Variants in GLOD4 observed in about 807,000 individuals in gnomAD.
The protein encoded by GLOD4 is glyoxalase domain-containing protein 4.
GLOD4 carries 44 observed loss-of-function variants against 39.1 expected under a neutral mutation model. That is an observed-to-expected ratio of 1.13 (90% CI 0.88 to 1.45). The LOEUF (loss-of-function observed/expected upper bound fraction) is 1.45, where lower values mean the gene tolerates loss of function less well. GLOD4 is among the 40% of genes most tolerant of loss of function. The pLI, the probability that GLOD4 is intolerant of heterozygous loss-of-function variation, is 0.00. For synonymous variants in GLOD4, 145 were observed against 135.0 expected, an observed-to-expected ratio of 1.07 and a Z score of -0.52; for missense variants, 405 against 366.4, an observed-to-expected ratio of 1.11 and a Z score of -0.86.
intron 1 of GLOD4, 37 bp from the exon 2 acceptor site, chr17:778,781 T>C (rs1448005247): frequency 3.9e-6 from 5 of 1,287,144 alleles, no homozygotes; most frequent in Non-Finnish European, 5.7e-6. Context: ...GAAGTGTTGC[T>C]AGTACTGCTC....
intron 1 of GLOD4, chr17:780,636 G>C (rs1294114882): frequency 6.6e-6 from 1 of 151,590 alleles, no homozygotes; most frequent in Non-Finnish European, 1.5e-5. Flanking sequence ...CCAGCTACTC[G>C]GGAGGCTGAG....
At chr17:770,807 A>G (rs1907829060) in intron 5 of GLOD4, 2 of 275,658 alleles carry the variant, frequency 7.3e-6, no homozygotes, top group Admixed American at 4.7e-5. Context: ...TCTTTTTGCT[A>G]GCGACATAGT....
chr17:771,407 T>G lies in GLOD4; in HGVS notation c.461A>C (p.Tyr154Ser), dbSNP rs1375083906. 1 of 1,577,418 alleles carries G rather than the reference T, an allele frequency of 6.3e-7. No homozygotes were observed. The highest frequency in any genetic ancestry group is 1.1e-5 in the South Asian group (1 of 89,486). Residue 154 changes from tyrosine to serine, a missense_variant, in exon 5 of 9, where the codon TAC becomes TCC. By Grantham distance (144) the Tyr-to-Ser change is moderately radical. Transcript: ENST00000301329. ...TTTCATTCCCAGTAGATTACACCAG[T>G]AGTTCAAGGACTTTTGAAGATCAGA... ...AVSDLQKSLNYWCNLLGMKIY... is the reference protein window; with the variant it reads ...AVSDLQKSLNSWCNLLGMKIY...
In GLOD4 at chr17:775,921, T is replaced by C. The variant is rs1908862310; in HGVS notation, c.262-2A>G. 6.2e-7 allele frequency: 1 copy of C among 1,612,074 alleles called. No individual in the cohort carries two copies. The highest frequency in any genetic ancestry group is 8.5e-7 in the Non-Finnish European group (1 of 1,178,158). Reference sequence around the variant, plus strand: ...CTGGCTAGAAGCGAGCGTGATTCCCTACAACAAACAACAGTACATCCAAGT... The same window carrying C: ...CTGGCTAGAAGCGAGCGTGATTCCCCACAACAAACAACAGTACATCCAAGT... On this transcript the variant is annotated splice_acceptor_variant, in intron 3 of 8. Coordinates refer to ENST00000301329, the MANE Select transcript of GLOD4 (RefSeq NM_016080.4). LOFTEE classifies it high-confidence loss of function.
Position 775,801 on chromosome 17 carries a change from A to C in GLOD4, c.380T>G (p.Leu127Trp). Residue 127 changes from leucine (L) to tryptophan (W), a missense_variant, in exon 4 of 9, where the codon TTG becomes TGG. Leu to Trp is a moderately conservative substitution (Grantham distance 61). Transcript: ENST00000301329. ...TGACTGAGGCAGACTGCGATTCTGC[A>C]AATAGAACTTATATCCTCCCGGGGC... Reference protein sequence around the residue: ...TEAPGGYKFYLQNRSLPQSDP... With the variant: ...TEAPGGYKFYWQNRSLPQSDP... 6.2e-7 allele frequency: 1 copy of C among 1,614,100 alleles called. No individual in the cohort carries two copies. The highest frequency in any genetic ancestry group is 2.2e-5 in the East Asian group (1 of 44,878).
chr17:768,738 C>T (rs1311288953), intron 8 of GLOD4, among the ~76,000 whole-genome samples: 4 of 112,698 alleles, frequency 3.5e-5, no homozygotes, highest in Non-Finnish European at 5.4e-5. Context: ...AGAGAAACAG[C>T]GCGCACTCAG....
At chr17:761,973 G>T (rs1030916955) in intron 8 of GLOD4, among the ~76,000 whole-genome samples, 2 of 152,184 alleles carry the variant, frequency 1.3e-5, no homozygotes, top group African/African-American at 4.8e-5. Flanking sequence ...AAGGTCAGAG[G>T]GTAGAGAATG....
intron 4 of GLOD4, 27 bp downstream of exon 4, chr17:775,748 G>A: frequency 6.2e-7 from 1 of 1,601,426 alleles, no homozygotes; most frequent in Non-Finnish European, 8.6e-7. Flanking sequence ...TTTAGACAGA[G>A]GCTTTTACTG....
intron 8 of GLOD4, among the ~76,000 whole-genome samples, chr17:761,565 C>T (rs1001424294): frequency 1.3e-5 from 2 of 152,174 alleles, no homozygotes; most frequent in African/African-American, 2.4e-5. Context: ...AGTGCAACGG[C>T]GCCATCTCGG....
intron 4 of GLOD4, among the ~76,000 whole-genome samples, chr17:772,994 CAA>C (rs1351462844): frequency 1.6e-4 from 17 of 106,304 alleles, no homozygotes; most frequent in East Asian, 2.7e-4. Flanking sequence ...GACTCTGTCT[CAA>C]AAAAAAAAAA....
intron 3 of GLOD4, among the ~76,000 whole-genome samples, chr17:776,611 C>G (rs1306695240): frequency 1.3e-5 from 2 of 152,222 alleles, no homozygotes; most frequent in African/African-American, 4.8e-5. Flanking sequence ...ACGCTCCCCT[C>G]TCGTTCTCTA....
At chr17:778,101 C>T (rs1909262437) in intron 2 of GLOD4, among the ~76,000 whole-genome samples, 1 of 152,198 alleles carries the variant, frequency 6.6e-6, no homozygotes, top group Admixed American at 6.5e-5. Context: ...CCCTGTGTAT[C>T]TCCTCTGTCC....
At position 782,203 on chromosome 17, in the gene GLOD4, T is replaced by C. The variant is rs775518338; in HGVS notation, c.53A>G (p.Gln18Arg). ...GACGTCCCGATAGAAACGCGCCGTC[T>C]GGAAGCGGTTTCCCACTTTGAATAC... The part of the protein sequence containing the change: ...HFVFKVGNRF[Q>R]TARFYRDVLG... Residue 18 changes from glutamine (Q) to arginine (R), a missense_variant, in exon 1 of 9, where the codon CAG (glutamine) becomes CGG (arginine). Gln to Arg is a conservative substitution (Grantham distance 43). Coordinates refer to ENST00000301329, the MANE Select transcript of GLOD4 (RefSeq NM_016080.4). 2.0e-5 allele frequency: 32 copies of C among 1,613,272 alleles called. No homozygotes were observed. The highest frequency in any genetic ancestry group is 2.7e-5 in the Non-Finnish European group (32 of 1,179,588).
chr17:772,187 G>GAAAAAAAAAAAAAAAAAAAA (rs58914913), intron 4 of GLOD4, among the ~76,000 whole-genome samples: 3 of 50,868 alleles, frequency 5.9e-5, no homozygotes, highest in South Asian at 9.6e-4. Flanking sequence ...ACCCTATCTC[G>GAAAAAAAAAAAAAAAAAAAA]AAAAAAAAAA....
chr17:779,382 C>T (rs1909489775), intron 1 of GLOD4, among the ~76,000 whole-genome samples: 1 of 142,820 alleles, frequency 7.0e-6, no homozygotes, highest in Admixed American at 7.1e-5. Flanking sequence ...GTAATCCCAG[C>T]ACTTTGGGAG....
chr17:782,200 G>T lies in GLOD4; in HGVS notation c.56C>A (p.Thr19Lys), dbSNP rs1476540211. The T allele has an allele frequency of 6.2e-7, 1 of 1,612,962 alleles. No homozygotes were observed. The highest frequency in any genetic ancestry group is 1.1e-5 in the South Asian group (1 of 90,976). ...CAGGACGTCCCGATAGAAACGCGCC[G>T]TCTGGAAGCGGTTTCCCACTTTGAA... is the stretch of plus-strand genomic sequence containing the variant. Reference protein sequence around the residue: ...FVFKVGNRFQTARFYRDVLGM... With the variant: ...FVFKVGNRFQKARFYRDVLGM... Residue 19 changes from threonine (T) to lysine (K), a missense_variant, in exon 1 of 9, where the codon ACG (threonine) becomes AAG (lysine). Coordinates refer to ENST00000301329, the MANE Select transcript of GLOD4 (RefSeq NM_016080.4).
At chr17:768,002 A>G (rs1906999982) in intron 8 of GLOD4, among the ~76,000 whole-genome samples, 1 of 138,874 alleles carries the variant, frequency 7.2e-6, no homozygotes, top group Non-Finnish European at 1.5e-5. Flanking sequence ...GACGTGAGAG[A>G]GAGAAACAGC....
upstream of GLOD4, chr17:782,752 C>G: frequency 6.7e-7 from 1 of 1,503,274 alleles, no homozygotes; most frequent in Non-Finnish European, 9.0e-7. Flanking sequence ...CACAGCGGAA[C>G]CTTAACCTCC....
Position 775,818 on chromosome 17 carries a change from T to G in GLOD4, c.363A>C (p.Gly121=). The G allele has an allele frequency of 6.2e-7, 1 of 1,614,004 alleles. No homozygotes were observed. The highest frequency in any genetic ancestry group is 8.5e-7 in the Non-Finnish European group (1 of 1,179,878). The change falls in exon 4 of 9, where the codon GGA becomes GGC. Residue 121 remains glycine (G), a synonymous_variant. Transcript: ENST00000301329. Reference sequence around the variant, plus strand: ...GATTCTGCAAATAGAACTTATATCCTCCCGGGGCCTCGGTTTCAAAAACAC... The same window carrying G: ...GATTCTGCAAATAGAACTTATATCCGCCCGGGGCCTCGGTTTCAAAAACAC... ...AEGVFETEAP[G]GYKFYLQNRS...
Sources: gnomAD v4.1 joint callset for allele counts (sites outside exome capture counted in the v4.1 genomes callset) on GRCh38, gnomAD v4.1.1 for gene constraint, MANE v1.5 for transcripts, NCBI Gene and HGNC (gene_info 2026-07-23, HGNC 2026-07-21) for gene names.